The following NCOR2 variants were observed in gnomAD, a reference collection of about 807,000 sequenced individuals.
NCOR2 encodes nuclear receptor corepressor 2.
Under a neutral mutation model 262.9 loss-of-function variants are expected in NCOR2, and 81 were observed. The observed-to-expected ratio is 0.31, with a 90% CI of 0.26 to 0.37. The LOEUF (loss-of-function observed/expected upper bound fraction) is 0.37. Ranked by LOEUF, NCOR2 falls within the 10% of genes least tolerant of loss-of-function variation. The pLI is 1.00. For synonymous variants in NCOR2, 1,659 were observed against 1,559.3 expected, an observed-to-expected ratio of 1.06 and a Z score of -1.51; for missense variants, 3,385 against 3,621.4, an observed-to-expected ratio of 0.93 and a Z score of 1.68.
intron 31 of NCOR2, 94 bp downstream of exon 33, chr12:124,346,470 T>G: frequency 7.6e-7 from 1 of 1,315,330 alleles, no homozygotes; most frequent in Non-Finnish European, 9.9e-7. Flanking sequence ...GCTCTCAGCC[T>G]CGGTTTCCCC....
At chr12:124,371,052 T>A (rs2039462981) in intron 20 of NCOR2, among the ~76,000 whole-genome samples, 1 of 152,178 alleles carries the variant, frequency 6.6e-6, no homozygotes, top group Admixed American at 6.5e-5. Flanking sequence ...GCCTCCTGAC[T>A]GTGCCTCTCA....
At chr12:124,369,580 C>T (rs139745654) in intron 20 of NCOR2, among the ~76,000 whole-genome samples, 7 of 152,172 alleles carry the variant, frequency 4.6e-5, no homozygotes, top group Non-Finnish European at 7.4e-5. Context: ...CAGTCGTGGC[C>T]GGCAGAGGGA....
intron 16 of NCOR2, among the ~76,000 whole-genome samples, chr12:124,390,307 A>G (rs1297521514): frequency 1.3e-5 from 2 of 152,220 alleles, no homozygotes; most frequent in Non-Finnish European, 2.9e-5. Context: ...AGCCAGCTCC[A>G]TGAACCCGCC....
chr12:124,394,408 C>T (rs2041524069), intron 16 of NCOR2, among the ~76,000 whole-genome samples: 1 of 152,170 alleles, frequency 6.6e-6, no homozygotes, highest in African/African-American at 2.4e-5. Context: ...GTACTTTCAC[C>T]AAAACCCCAG....
intron 1 of NCOR2, among the ~76,000 whole-genome samples, chr12:124,501,495 T>C (rs1009237048): frequency 2.0e-5 from 3 of 151,292 alleles, no homozygotes; most frequent in Non-Finnish European, 4.4e-5. Flanking sequence ...CTGGGGGCTC[T>C]GGGGGAGGCC....
At chr12:124,359,305 C>T (rs147508641) in intron 22 of NCOR2, among the ~76,000 whole-genome samples, 2,708 of 152,340 alleles carry the variant, frequency 0.018, 30 homozygotes, top group Non-Finnish European at 0.028. Flanking sequence ...TATCACGCCG[C>T]CTCCAGATGA....
intron 1 of NCOR2, among the ~76,000 whole-genome samples, chr12:124,508,711 A>C (rs2049195452): frequency 6.6e-6 from 1 of 152,210 alleles, no homozygotes; most frequent in Admixed American, 6.5e-5. Context: ...CAAGAAGCCC[A>C]ATTTTGAGAC....
intron 13 of NCOR2, among the ~76,000 whole-genome samples, chr12:124,405,722 G>A (rs1023869053): frequency 6.6e-6 from 1 of 152,172 alleles, no homozygotes; most frequent in African/African-American, 2.4e-5. Context: ...GCAGGGAGAG[G>A]GAGGTCCCAG....
chr12:124,340,211 A>G lies in NCOR2; in HGVS notation c.5489-7T>C. 6.3e-7 allele frequency: 1 copy of G among 1,577,596 alleles called. No homozygotes were observed. Among genetic ancestry groups the G allele is most frequent in the Non-Finnish European group, 8.6e-7 (1 of 1,161,638 alleles). On this transcript the variant is annotated splice_polypyrimidine_tract_variant and splice_region_variant and intron_variant, in intron 36 of 46. Transcript: ENST00000405201. ...CCGCTGCTCTGCTCTGTACCTGGTG[A>G]CAGTCAGTGGCATCAGCAGGGGGAG...
chr12:124,473,067 T>A (rs1490248866), exon 4 of NCOR2: 1 of 1,614,078 alleles, frequency 6.2e-7, no homozygotes, highest in Admixed American at 1.7e-5. Flanking sequence ...CAGCTCCAGC[T>A]CAGGGTCAGT....
chr12:124,538,882 T>C (rs980237449), upstream of NCOR2: 5 of 152,154 alleles, frequency 3.3e-5, no homozygotes, highest in African/African-American at 1.2e-4. Context: ...ACAGGACCCT[T>C]TCAGGGGCAC....
intron 1 of NCOR2, among the ~76,000 whole-genome samples, chr12:124,492,828 G>A (rs1345441886): frequency 6.6e-6 from 1 of 152,182 alleles, no homozygotes; most frequent in Non-Finnish European, 1.5e-5. Context: ...ATATGCCCAG[G>A]GCAGCAGGGC....
At chr12:124,525,141 C>T (rs2050396403) in intron 1 of NCOR2, among the ~76,000 whole-genome samples, 1 of 152,198 alleles carries the variant, frequency 6.6e-6, no homozygotes, top group South Asian at 2.1e-4. Context: ...TGGGGCCCCC[C>T]TGCTCTGCTC....
upstream of NCOR2, chr12:124,535,743 T>C (rs1464402326): frequency 6.6e-6 from 1 of 152,146 alleles, no homozygotes; most frequent in African/African-American, 2.4e-5. Context: ...GCCAAGTATT[T>C]CTCCATGAGA....
In NCOR2 at chr12:124,346,863, C is replaced by T. The variant is rs1305071640; in HGVS notation, c.4073-13G>A. 6.5e-7 allele frequency: 1 copy of T among 1,546,656 alleles called. No homozygotes were observed. Among genetic ancestry groups the T allele is most frequent in the Middle Eastern group, 1.7e-4 (1 of 5,888 alleles). ...GACCGAGGGATCCCTGCCGGGCCGA[C>T]AGCACTGACCCTCACGCCCCGCCCC... On this transcript the variant is annotated splice_polypyrimidine_tract_variant and intron_variant, in intron 30 of 46. Transcript: ENST00000405201.
Position 124,466,317 on chromosome 12 carries a change from G to T in NCOR2, c.592-31C>A, listed in dbSNP as rs376661233. 54 of 1,587,442 alleles carry T rather than the reference G, an allele frequency of 3.4e-5. No individual in the cohort carries two copies. In the African/African-American group the frequency reaches 5.5e-4, roughly 16 times the overall value. On this transcript the variant is annotated intron_variant, in intron 4 of 46. Transcript: ENST00000405201. ...GGGAGAGGCAGAACGTGAGGGATGAGCACCCCAGCGGGCGGAAGGAGGGCT... is the reference window on the plus strand; with the variant it reads ...GGGAGAGGCAGAACGTGAGGGATGATCACCCCAGCGGGCGGAAGGAGGGCT...
intron 13 of NCOR2, among the ~76,000 whole-genome samples, chr12:124,407,060 C>A (rs1366386892): frequency 3.3e-5 from 5 of 152,294 alleles, no homozygotes; most frequent in African/African-American, 9.6e-5. Flanking sequence ...CCTAGAAGGT[C>A]CTACAGCCAG....
At chr12:124,439,064 C>G (rs62650980) in intron 7 of NCOR2, among the ~76,000 whole-genome samples, 36 of 682 alleles carry the variant, frequency 0.053, no homozygotes, top group Middle Eastern at 0.17. Flanking sequence ...CAGAGGGAGA[C>G]AGAGACCCAG....
intron 8 of NCOR2, among the ~76,000 whole-genome samples, chr12:124,437,552 G>C (rs1006898195): frequency 6.6e-6 from 1 of 152,182 alleles, no homozygotes; most frequent in Non-Finnish European, 1.5e-5. Flanking sequence ...GTGCGCCTGC[G>C]GCCCCTGCTG....
Sources: allele counts gnomAD v4.1 joint callset (sites outside exome capture counted in the v4.1 genomes callset), GRCh38; gene constraint gnomAD v4.1.1; transcripts MANE v1.5; gene names NCBI Gene and HGNC (gene_info 2026-07-23, HGNC 2026-07-21).